The following VKORC1L1 variants were observed in gnomAD, a reference collection of about 807,000 sequenced individuals.
VKORC1L1 encodes vitamin K epoxide reductase complex subunit 1L1, also known as vitamin K epoxide reductase complex subunit 1-like protein 1.
Under a neutral mutation model 18.9 loss-of-function variants are expected in VKORC1L1, and 2 were observed. The observed-to-expected ratio is 0.11, with a 90% confidence interval of 0.04 to 0.33. The LOEUF (loss-of-function observed/expected upper bound fraction) is 0.33, where lower values mean the gene tolerates loss of function less well. Ranked by LOEUF, VKORC1L1 falls within the 10% of genes least tolerant of loss-of-function variation. VKORC1L1 has a pLI of 1.00. For missense variants in VKORC1L1, 123 were observed against 224.1 expected, an observed-to-expected ratio of 0.55 and a Z score of 2.88; for synonymous variants, 96 against 100.0, an observed-to-expected ratio of 0.96 and a Z score of 0.24.
chr7:65,888,639 G>A (rs1025838121), intron 1 of VKORC1L1, among the ~76,000 whole-genome samples: 4 of 152,042 alleles, frequency 2.6e-5, no homozygotes, highest in Non-Finnish European at 4.4e-5. Context: ...GTGGTGAGGG[G>A]GGTGCAGGGG....
chr7:65,895,464 AAAAAAAAAAAAAAAAAATATATATAT>A (rs1434516768), intron 1 of VKORC1L1, among the ~76,000 whole-genome samples: 3 of 44,224 alleles, frequency 6.8e-5, no homozygotes, highest in African/African-American at 3.0e-4. Context: ...AAAAAAAAAA[AAAAAAAAAAAAAAAAAATATATATAT>A]ATATATATAT....
At chr7:65,941,900 C>G (rs1790040766) in intron 1 of VKORC1L1, among the ~76,000 whole-genome samples, 1 of 151,638 alleles carries the variant, frequency 6.6e-6, no homozygotes, top group Non-Finnish European at 1.5e-5. Context: ...GCCTCAATTG[C>G]TCCACCTGCT....
the VKORC1L1 span, among the ~76,000 whole-genome samples, chr7:65,867,791 G>A: frequency 6.6e-6 from 1 of 152,114 alleles, no homozygotes; most frequent in East Asian, 1.9e-4. Context: ...GAATTCAAGG[G>A]GGAGGAGCAC....
At chr7:65,870,435 TTAAAAA>T (rs540763170), upstream of VKORC1L1, among the ~76,000 whole-genome samples, 279 of 151,370 alleles carry the variant, frequency 1.8e-3, 1 homozygote, top group African/African-American at 6.5e-3. Flanking sequence ...TGTCTCAAAT[TTAAAAA>T]TAAAAATAAA....
chr7:65,889,882 A>G (rs892692591), intron 1 of VKORC1L1, among the ~76,000 whole-genome samples: 1 of 152,166 alleles, frequency 6.6e-6, no homozygotes, highest in African/African-American at 2.4e-5. Context: ...ATGGAGCTGT[A>G]GTTTGTGCAT....
chr7:65,954,261 C>T lies in VKORC1L1; in HGVS notation c.492C>T (p.Asn164=), dbSNP rs767835700. 1.2e-5 allele frequency: 19 copies of T among 1,614,044 alleles called. No homozygotes were observed. Among genetic ancestry groups the T allele is most frequent in the Middle Eastern group, 1.6e-4 (1 of 6,084 alleles). Residue 164 remains asparagine (N), a synonymous_variant, in exon 3 of 3, where the codon AAC becomes AAT. Coordinates refer to ENST00000360768, the MANE Select transcript of VKORC1L1 (RefSeq NM_173517.6). ...ACTACAAACGACTAGTTTACTTGAA[C>T]GAGGCCTGGAAGCGGCAGCTGCAAC... ...IINYKRLVYL[N]EAWKRQLQPK...
At chr7:65,890,470 T>C (rs912984337) in intron 1 of VKORC1L1, among the ~76,000 whole-genome samples, 8 of 152,028 alleles carry the variant, frequency 5.3e-5, no homozygotes, top group African/African-American at 1.7e-4. Context: ...CATTTCACCA[T>C]GTTGGCCAGG....
intron 1 of VKORC1L1, among the ~76,000 whole-genome samples, chr7:65,926,111 A>G (rs78734889): frequency 0.013 from 1,988 of 151,588 alleles, 47 homozygotes; most frequent in East Asian, 0.088. Context: ...CACACTCAAT[A>G]AGAATTCTAT....
At chr7:65,886,674 A>G (rs1789017160) in intron 1 of VKORC1L1, among the ~76,000 whole-genome samples, 1 of 151,464 alleles carries the variant, frequency 6.6e-6, no homozygotes, top group Non-Finnish European at 1.5e-5. Flanking sequence ...AGTAGCTGGG[A>G]CTACAGGCGC....
chr7:65,928,762 G>T (rs1194664078), intron 1 of VKORC1L1, among the ~76,000 whole-genome samples: 2 of 152,112 alleles, frequency 1.3e-5, no homozygotes, highest in East Asian at 3.8e-4. Context: ...GGGTGGAGAG[G>T]GTGAGGATTG....
chr7:65,880,008 C>T (rs376517281), intron 1 of VKORC1L1, among the ~76,000 whole-genome samples: 12 of 152,124 alleles, frequency 7.9e-5, no homozygotes, highest in African/African-American at 2.6e-4. Context: ...CACACCCCAC[C>T]ATGCCTAGCT....
intron 1 of VKORC1L1, among the ~76,000 whole-genome samples, chr7:65,879,676 A>G (rs1311375218): frequency 1.4e-5 from 2 of 143,302 alleles, no homozygotes; most frequent in South Asian, 2.3e-4. Context: ...TTTCCCTCCC[A>G]CCCTCCTTCT....
At chr7:65,928,350 C>G (rs1789801203) in intron 1 of VKORC1L1, among the ~76,000 whole-genome samples, 1 of 151,200 alleles carries the variant, frequency 6.6e-6, no homozygotes, top group Non-Finnish European at 1.5e-5. Context: ...CTCAGCTTCC[C>G]TGATAGCTGG....
At chr7:65,923,535 CAG>C (rs1466870512) in intron 1 of VKORC1L1, among the ~76,000 whole-genome samples, 1 of 152,026 alleles carries the variant, frequency 6.6e-6, no homozygotes, top group South Asian at 2.1e-4. Flanking sequence ...CAGGTGGCAA[CAG>C]AGAGCAGTGG....
intron 1 of VKORC1L1, among the ~76,000 whole-genome samples, chr7:65,894,751 A>C (rs1381079117): frequency 6.6e-6 from 1 of 151,804 alleles, no homozygotes; most frequent in Non-Finnish European, 1.5e-5. Flanking sequence ...AAAGAAAAGA[A>C]AAGAAGTAAA....
At position 65,873,259 on chromosome 7, in the gene VKORC1L1, G is replaced by T; in HGVS notation, c.-113G>T. Reference sequence around the variant, plus strand: ...GGGCGCGGCGGCGGCGGCGGCGGTGGTGGCGGCGGCGGCGGAGGCGGCGGT... The same window carrying T: ...GGGCGCGGCGGCGGCGGCGGCGGTGTTGGCGGCGGCGGCGGAGGCGGCGGT... On this transcript the variant is annotated 5_prime_UTR_variant, in exon 1 of 3. Transcript: ENST00000360768. 2.1e-6 allele frequency: 2 copies of T among 968,880 alleles called. No individual in the cohort carries two copies. The highest frequency in any genetic ancestry group is 2.4e-6 in the Non-Finnish European group (2 of 818,954). The allele number at this position is 968,880 out of a possible 1,614,324, so 60.0% of individuals were successfully genotyped here.
intron 1 of VKORC1L1, among the ~76,000 whole-genome samples, chr7:65,931,950 A>G (rs896186838): frequency 1.7e-4 from 26 of 151,624 alleles, no homozygotes; most frequent in African/African-American, 5.6e-4. Context: ...CCATTTATTG[A>G]TTTTCTTGAT....
chr7:65,918,598 AAC>A (rs1277410938), intron 1 of VKORC1L1, among the ~76,000 whole-genome samples: 1 of 152,230 alleles, frequency 6.6e-6, no homozygotes, highest in Non-Finnish European at 1.5e-5. Flanking sequence ...AGGTGTCAGT[AAC>A]ACATGCACAG....
rs542411496 is a variant in VKORC1L1 at position 65,880,577 on chromosome 7, T to G, written c.194+7012T>G. On this transcript the variant is annotated intron_variant, in intron 1 of 2. Coordinates refer to ENST00000360768, the MANE Select transcript of VKORC1L1 (RefSeq NM_173517.6). Reference sequence around the variant, plus strand: ...GGGTAGCTTTTTCGGAGGGAGGCCTTGTCGTGTGGACCTGCTGCATATAAA... The same window carrying G: ...GGGTAGCTTTTTCGGAGGGAGGCCTGGTCGTGTGGACCTGCTGCATATAAA... Among the ~76,000 whole-genome samples, 8 of 152,292 alleles carry G rather than the reference T, an allele frequency of 5.3e-5. No homozygotes were observed. In the South Asian group the frequency reaches 1.7e-3, roughly 32 times the overall value.
Sources: allele counts gnomAD v4.1 joint callset (sites outside exome capture counted in the v4.1 genomes callset), GRCh38; gene constraint gnomAD v4.1.1; transcripts MANE v1.5; gene names NCBI Gene and HGNC (gene_info 2026-07-23, HGNC 2026-07-21).